The following TDRD3 variants were observed in gnomAD, a reference collection of about 807,000 sequenced individuals.
TDRD3 encodes the protein tudor domain-containing protein 3.
A neutral mutation model predicts 86.7 loss-of-function variants in TDRD3; 45 were observed. The observed-to-expected ratio is 0.52, with a 90% CI of 0.41 to 0.67. The LOEUF is 0.67. Ranked by LOEUF, TDRD3 falls within the 30% of genes least tolerant of loss-of-function variation. The pLI is 0.00. For synonymous variants in TDRD3, 298 were observed against 301.7 expected, an observed-to-expected ratio of 0.99 and a Z score of 0.13; for missense variants, 814 against 889.0, an observed-to-expected ratio of 0.92 and a Z score of 1.07.
intron 4 of TDRD3, among the ~76,000 whole-genome samples, chr13:60,462,741 C>T (rs556181453): frequency 6.6e-6 from 1 of 152,000 alleles, no homozygotes; most frequent in African/African-American, 2.4e-5. Flanking sequence ...AAAATATTAA[C>T]CAAAATATAC....
intron 11 of TDRD3, among the ~76,000 whole-genome samples, chr13:60,529,467 T>C (rs1237211266): frequency 6.6e-6 from 1 of 152,158 alleles, no homozygotes; most frequent in African/African-American, 2.4e-5. Flanking sequence ...GCCAGAAAAG[T>C]ATTGTAAAAG....
In TDRD3 at chr13:60,504,671, C is replaced by T. The variant is rs567791761; in HGVS notation, c.859-5092C>T. 2.0e-5 allele frequency among the ~76,000 whole-genome samples: 3 copies of T among 152,244 alleles called. No homozygotes were observed. The East Asian group carries it at 5.8e-4, about 29-fold the overall frequency. On this transcript the variant is annotated intron_variant, in intron 8 of 13. Coordinates refer to ENST00000377881, the MANE Select transcript of TDRD3 (RefSeq NM_001146070.2). ...GCAAGATGGCTGAATAGGAACAGCTCCGGCCTGCAGCTCCTAGCGAGACTA... is the reference window on the plus strand; with the variant it reads ...GCAAGATGGCTGAATAGGAACAGCTTCGGCCTGCAGCTCCTAGCGAGACTA...
intron 5 of TDRD3, among the ~76,000 whole-genome samples, chr13:60,470,402 T>G (rs1002066537): frequency 6.6e-6 from 1 of 152,170 alleles, no homozygotes; most frequent in African/African-American, 2.4e-5. Context: ...GTGGGATTGC[T>G]GGACCATATA....
intron 12 of TDRD3, among the ~76,000 whole-genome samples, chr13:60,560,833 C>T (rs1431869311): frequency 6.6e-6 from 1 of 152,132 alleles, no homozygotes; most frequent in Non-Finnish European, 1.5e-5. Flanking sequence ...CCGAAATTTT[C>T]TGTGATACTG....
At chr13:60,547,028 G>C (rs1847089256) in intron 12 of TDRD3, among the ~76,000 whole-genome samples, 1 of 151,928 alleles carries the variant, frequency 6.6e-6, no homozygotes, top group Non-Finnish European at 1.5e-5. Context: ...AAAATGTCTA[G>C]ATTGAAAAAA....
intron 12 of TDRD3, among the ~76,000 whole-genome samples, chr13:60,545,104 G>A (rs916440869): frequency 2.6e-5 from 4 of 152,090 alleles, no homozygotes; most frequent in Admixed American, 2.6e-4. Context: ...AAATAGATGG[G>A]TCTATATGCT....
chr13:60,486,720 T>G (rs551823143), intron 7 of TDRD3, among the ~76,000 whole-genome samples: 13 of 152,324 alleles, frequency 8.5e-5, no homozygotes, highest in African/African-American at 2.4e-4. Flanking sequence ...TCCTCCTAAC[T>G]GTAATTTAAT....
intron 1 of TDRD3, chr13:60,434,227 T>C (rs1407754630): frequency 6.6e-6 from 1 of 152,180 alleles, no homozygotes. Flanking sequence ...CCTAGCACTT[T>C]GGGAGGCCGA....
At chr13:60,552,437 C>T (rs1460332083) in intron 12 of TDRD3, among the ~76,000 whole-genome samples, 1 of 152,218 alleles carries the variant, frequency 6.6e-6, no homozygotes, top group African/African-American at 2.4e-5. Context: ...CAGCTCTGCC[C>T]CTGTGGCTCT....
intron 8 of TDRD3, 52 bp from the exon 9 acceptor site, chr13:60,509,711 G>A (rs763328062): frequency 1.1e-5 from 17 of 1,608,082 alleles, no homozygotes; most frequent in African/African-American, 5.4e-5. Flanking sequence ...AAAAGTTTAT[G>A]CCTTGCCTTA....
chr13:60,513,154 G>T (rs1206215513), intron 10 of TDRD3, among the ~76,000 whole-genome samples: 2 of 152,188 alleles, frequency 1.3e-5, no homozygotes, highest in East Asian at 3.9e-4. Flanking sequence ...AGCTGCCAAG[G>T]CTTGAGGCAT....
intron 9 of TDRD3, among the ~76,000 whole-genome samples, chr13:60,510,310 T>A (rs1210710630): frequency 6.6e-6 from 1 of 152,164 alleles, no homozygotes; most frequent in Non-Finnish European, 1.5e-5. Flanking sequence ...CATTGCATGG[T>A]CAAGTTTCTT....
At chr13:60,542,558 A>G (rs1957841051) in intron 12 of TDRD3, among the ~76,000 whole-genome samples, 1 of 152,182 alleles carries the variant, frequency 6.6e-6, no homozygotes, top group Non-Finnish European at 1.5e-5. Flanking sequence ...TCCCTTTCAG[A>G]TGGAACTCCC....
At chr13:60,478,277 C>T (rs117965096) in intron 5 of TDRD3, among the ~76,000 whole-genome samples, 6,494 of 144,190 alleles carry the variant, frequency 0.045, 199 homozygotes, top group Non-Finnish European at 0.067. Flanking sequence ...GTTAATCTAG[C>T]TAGCAGTCTA....
chr13:60,441,473 A>G (rs1012141342), intron 2 of TDRD3, among the ~76,000 whole-genome samples: 12 of 152,164 alleles, frequency 7.9e-5, no homozygotes, highest in Non-Finnish European at 1.2e-4. Context: ...GTCCAAAGCT[A>G]TGATGCCATA....
chr13:60,474,915 T>G (rs1340739503), intron 5 of TDRD3, among the ~76,000 whole-genome samples: 2 of 152,078 alleles, frequency 1.3e-5, no homozygotes, highest in African/African-American at 2.4e-5. Flanking sequence ...TTAAGGATAT[T>G]TTCTCTGAAT....
intron 10 of TDRD3, among the ~76,000 whole-genome samples, chr13:60,519,196 C>T (rs896993404): frequency 6.6e-6 from 1 of 152,084 alleles, no homozygotes; most frequent in African/African-American, 2.4e-5. Flanking sequence ...TTCGCTTATA[C>T]ATTTATTAAC....
chr13:60,436,646 G>C (rs976075835), intron 1 of TDRD3, among the ~76,000 whole-genome samples: 1 of 152,068 alleles, frequency 6.6e-6, no homozygotes, highest in East Asian at 1.9e-4. Flanking sequence ...TTTTATACCA[G>C]TACCATGCTG....
chr13:60,403,909 A>C (rs1397299243), intron 1 of TDRD3, among the ~76,000 whole-genome samples: 1 of 152,262 alleles, frequency 6.6e-6, no homozygotes, highest in Non-Finnish European at 1.5e-5. Flanking sequence ...AACTCTATAC[A>C]ATAATATGTG....
Sources: allele counts gnomAD v4.1 joint callset (sites outside exome capture counted in the v4.1 genomes callset), GRCh38; gene constraint gnomAD v4.1.1; transcripts MANE v1.5; gene names NCBI Gene and HGNC (gene_info 2026-07-23, HGNC 2026-07-21).